ZMAT4: variants seen among roughly 807,000 people sequenced by gnomAD.
The protein encoded by ZMAT4 is zinc finger matrin-type protein 4.
In ZMAT4, 17 loss-of-function variants were observed where a neutral mutation model predicts 28.7. The ratio of observed to expected loss-of-function variants is 0.59; its 90% CI spans 0.41 to 0.89. The LOEUF is 0.89. Ranked by LOEUF, ZMAT4 falls within the 40% of genes least tolerant of loss-of-function variation. The pLI is 0.00. For missense variants in ZMAT4, 240 were observed against 283.8 expected (o/e 0.85, Z 1.11); for synonymous variants, 117 against 109.2 (o/e 1.07, Z -0.44).
intron 3 of ZMAT4, among the ~76,000 whole-genome samples, chr8:40,764,080 C>T (rs4288363): frequency 0.16 from 24,157 of 151,942 alleles, 3,062 homozygotes; most frequent in East Asian, 0.6. Flanking sequence ...ATCTGACCCA[C>T]GGGTCTGAAG....
intron 1 of ZMAT4, among the ~76,000 whole-genome samples, chr8:40,895,492 G>T (rs1393347287): frequency 1.3e-5 from 2 of 152,024 alleles, no homozygotes; most frequent in African/African-American, 4.8e-5. Context: ...TCCTTTTTTG[G>T]TCTAAAGTTG....
chr8:40,817,614 G>A lies in ZMAT4; in HGVS notation c.102+7961C>T, dbSNP rs147357019. Among the ~76,000 whole-genome samples, 6 of 152,218 alleles carry A rather than the reference G, an allele frequency of 3.9e-5. No homozygotes were observed. In the East Asian group the frequency reaches 9.7e-4, roughly 25 times the overall value. ...CTGGTTGAGAAATGTCACTGTTATC[G>A]TCACCATTGAAAAGTGTAGGGGAAA... On this transcript the variant is annotated intron_variant, in intron 2 of 6. Transcript: ENST00000297737.
intron 5 of ZMAT4, among the ~76,000 whole-genome samples, chr8:40,620,762 C>A (rs942463176): frequency 6.6e-6 from 1 of 152,156 alleles, no homozygotes; most frequent in Non-Finnish European, 1.5e-5. Flanking sequence ...TCTGCAGTTA[C>A]AGTGCTTAAC....
intron 5 of ZMAT4, among the ~76,000 whole-genome samples, chr8:40,657,070 G>A (rs545968990): frequency 1.2e-4 from 19 of 152,080 alleles, no homozygotes; most frequent in Admixed American, 8.5e-4. Context: ...TGGCTCTCTC[G>A]CTCAAGCTGG....
rs529552484 is a variant in ZMAT4 at position 40,850,031 on chromosome 8, C to T, written c.-4-24351G>A. On this transcript the variant is annotated intron_variant, in intron 1 of 6. Transcript: ENST00000297737. ...GATCTATGAGCAGGACATGTCGCTT[C>T]GACCTCTGCAGTCCATGCTGAATCT... Among the ~76,000 whole-genome samples, 29 of 152,240 alleles carry T rather than the reference C, an allele frequency of 1.9e-4. No homozygotes were observed. In the South Asian group the frequency reaches 5.4e-3, roughly 28 times the overall value.
chr8:40,741,950 G>T (rs1166937695), intron 3 of ZMAT4, among the ~76,000 whole-genome samples: 1 of 152,070 alleles, frequency 6.6e-6, no homozygotes. Flanking sequence ...TATATAAAAA[G>T]TAGAATACCC....
At chr8:40,532,493 A>C (rs1316153112) in intron 6 of ZMAT4, among the ~76,000 whole-genome samples, 2 of 152,136 alleles carry the variant, frequency 1.3e-5, no homozygotes, top group Non-Finnish European at 2.9e-5. Flanking sequence ...CCAGACACTA[A>C]ATTCATTCCA....
At chr8:40,759,961 C>T (rs1812858573) in intron 3 of ZMAT4, among the ~76,000 whole-genome samples, 1 of 152,100 alleles carries the variant, frequency 6.6e-6, no homozygotes, top group African/African-American at 2.4e-5. Context: ...ACTATCTGTC[C>T]CCACTAACAA....
chr8:40,632,515 T>C (rs1246426153), intron 5 of ZMAT4, among the ~76,000 whole-genome samples: 1 of 152,112 alleles, frequency 6.6e-6, no homozygotes, highest in Non-Finnish European at 1.5e-5. Context: ...GGTGAGATCA[T>C]CCTGGAGGAG....
intron 1 of ZMAT4, among the ~76,000 whole-genome samples, chr8:40,869,339 C>G (rs1389921040): frequency 2.0e-5 from 3 of 152,168 alleles, no homozygotes; most frequent in Non-Finnish European, 4.4e-5. Flanking sequence ...GTCTATTTCC[C>G]TTACACTGAT....
chr8:40,845,432 C>T (rs1187646301), intron 1 of ZMAT4, among the ~76,000 whole-genome samples: 3 of 152,134 alleles, frequency 2.0e-5, no homozygotes, highest in Non-Finnish European at 2.9e-5. Flanking sequence ...AAACACGCTG[C>T]CCTCAGATTC....
At chr8:40,638,885 G>A (rs1235066972) in intron 5 of ZMAT4, among the ~76,000 whole-genome samples, 1 of 152,242 alleles carries the variant, frequency 6.6e-6, no homozygotes, top group African/African-American at 2.4e-5. Flanking sequence ...TAAATATTAA[G>A]TCAACAGAAA....
At chr8:40,582,744 G>C (rs1445297158) in intron 5 of ZMAT4, among the ~76,000 whole-genome samples, 1 of 151,784 alleles carries the variant, frequency 6.6e-6, no homozygotes, top group Non-Finnish European at 1.5e-5. Context: ...TTTTCTTACA[G>C]TATTGTGGGG....
At chr8:40,796,250 G>A (rs901143950) in intron 2 of ZMAT4, among the ~76,000 whole-genome samples, 9 of 152,184 alleles carry the variant, frequency 5.9e-5, no homozygotes, top group African/African-American at 2.4e-5. Flanking sequence ...AGAGGAAACC[G>A]GCCCCACCGT....
intron 2 of ZMAT4, among the ~76,000 whole-genome samples, chr8:40,812,163 C>A (rs909369166): frequency 2.6e-5 from 4 of 152,066 alleles, no homozygotes; most frequent in African/African-American, 9.7e-5. Context: ...TACATGCCTA[C>A]ATACACTGTG....
At chr8:40,709,364 A>G (rs1484140312) in intron 3 of ZMAT4, among the ~76,000 whole-genome samples, 1 of 152,198 alleles carries the variant, frequency 6.6e-6, no homozygotes, top group Admixed American at 6.5e-5. Context: ...AGCCTCATGT[A>G]TACCCCTAAA....
At chr8:40,627,474 T>C (rs1806418523) in intron 5 of ZMAT4, among the ~76,000 whole-genome samples, 1 of 152,140 alleles carries the variant, frequency 6.6e-6, no homozygotes, top group African/African-American at 2.4e-5. Context: ...AGAGAAAATA[T>C]TTACTGTTTT....
intron 2 of ZMAT4, among the ~76,000 whole-genome samples, chr8:40,771,744 T>C (rs1039793841): frequency 2.6e-5 from 4 of 152,220 alleles, no homozygotes; most frequent in Admixed American, 6.5e-5. Flanking sequence ...TCACTTTCTG[T>C]GTATAAATAG....
chr8:40,678,375 T>C (rs1808997401), intron 4 of ZMAT4, among the ~76,000 whole-genome samples: 2 of 152,218 alleles, frequency 1.3e-5, no homozygotes, highest in East Asian at 3.9e-4. Flanking sequence ...ATGGAAATTC[T>C]GATTCCTTTC....
Sources: allele counts gnomAD v4.1 joint callset (sites outside exome capture counted in the v4.1 genomes callset), GRCh38; gene constraint gnomAD v4.1.1; transcripts MANE v1.5; gene names NCBI Gene and HGNC (gene_info 2026-07-23, HGNC 2026-07-21).